Variants in STIMATE observed in about 807,000 individuals in gnomAD.
The protein encoded by STIMATE is STIM activating enhancer, also known as store-operated calcium entry regulator STIMATE.
A neutral mutation model predicts 36.7 loss-of-function variants in STIMATE; 15 were observed. The ratio of observed to expected loss-of-function variants is 0.41; its 90% CI spans 0.27 to 0.63. The LOEUF (loss-of-function observed/expected upper bound fraction) is 0.63. Among genes scored for constraint, STIMATE ranks in the 20% least tolerant of loss-of-function variants. The pLI is 0.32. For synonymous variants in STIMATE, 163 were observed against 162.3 expected (o/e 1.00, Z -0.03); for missense variants, 305 against 397.3 (o/e 0.77, Z 1.98).
intron 2 of STIMATE, among the ~76,000 whole-genome samples, chr3:52,853,240 G>C (rs1412760469): frequency 1.3e-5 from 2 of 152,240 alleles, no homozygotes; most frequent in African/African-American, 4.8e-5. Flanking sequence ...CCTGCCGCTA[G>C]AGAATGATGC....
chr3:52,882,843 G>A (rs537940530), intron 1 of STIMATE, among the ~76,000 whole-genome samples: 3 of 152,144 alleles, frequency 2.0e-5, no homozygotes, highest in Non-Finnish European at 4.4e-5. Context: ...TGGCAATTAA[G>A]AGTCGGCCAC....
At chr3:52,851,690 G>A (rs946156299) in intron 3 of STIMATE, among the ~76,000 whole-genome samples, 4 of 152,186 alleles carry the variant, frequency 2.6e-5, no homozygotes, top group African/African-American at 4.8e-5. Flanking sequence ...TCACGCCTGC[G>A]AGAACAAGGA....
intron 4 of STIMATE, chr3:52,847,189 G>C: frequency 9.6e-7 from 1 of 1,046,412 alleles, no homozygotes; most frequent in Admixed American, 5.1e-5. Context: ...GGGAATGACA[G>C]GTGTGAGCCA....
At chr3:52,894,108 G>C (rs1559501116) in intron 1 of STIMATE, among the ~76,000 whole-genome samples, 2 of 152,082 alleles carry the variant, frequency 1.3e-5, no homozygotes, top group African/African-American at 4.8e-5. Flanking sequence ...CCAAAACGAG[G>C]AATTGCTTGG....
chr3:52,856,328 G>C (rs185733671), intron 1 of STIMATE, among the ~76,000 whole-genome samples: 1 of 152,318 alleles, frequency 6.6e-6, no homozygotes, highest in Non-Finnish European at 1.5e-5. Context: ...TGCAGGAAAC[G>C]AAAAGCCAGG....
At chr3:52,860,402 G>A (rs1199648335) in intron 1 of STIMATE, among the ~76,000 whole-genome samples, 3 of 152,030 alleles carry the variant, frequency 2.0e-5, no homozygotes, top group Non-Finnish European at 4.4e-5. Context: ...GAAGGTGCAG[G>A]CCAAGTCACG....
In STIMATE at chr3:52,840,246, T is replaced by G; in HGVS notation, c.*248A>C. 6.7e-5 allele frequency: 23 copies of G among 342,548 alleles called. No homozygotes were observed. Among genetic ancestry groups the G allele is most frequent in the East Asian group, 2.1e-4 (4 of 19,014 alleles). 21.2% of individuals were successfully genotyped at this position (342,548 alleles called of 1,614,324 possible). ...AAACAAACACAGCTCCTTCCTTGCA[T>G]ATTTGGTCAGTGTTTGTAGTGCAAC... On this transcript the variant is annotated 3_prime_UTR_variant, in exon 8 of 8. Transcript: ENST00000355083.
At chr3:52,854,554 T>C (rs1701061443) in intron 2 of STIMATE, among the ~76,000 whole-genome samples, 1 of 152,256 alleles carries the variant, frequency 6.6e-6, no homozygotes, top group African/African-American at 2.4e-5. Context: ...CCTCGCCCTA[T>C]GCACCTCTTC....
chr3:52,839,579 T>C lies in STIMATE; in HGVS notation c.*915A>G, dbSNP rs1700760933. 6.6e-6 allele frequency: 1 copy of C among 152,188 alleles called. No individual in the cohort carries two copies. The highest frequency in any genetic ancestry group is 1.5e-5 in the Non-Finnish European group (1 of 68,034). The allele number at this position is 152,188 out of a possible 1,614,324, so 9.4% of individuals were successfully genotyped here. On this transcript the variant is annotated 3_prime_UTR_variant, in exon 8 of 8. Transcript: ENST00000355083. ...GGGCCCTGGGCAGAGCCTTTCCTGT[T>C]CCACACTCTGCAGCTCCTGGATCTG...
At chr3:52,890,741 A>T (rs1322925703) in intron 1 of STIMATE, among the ~76,000 whole-genome samples, 1 of 152,248 alleles carries the variant, frequency 6.6e-6, no homozygotes, top group Non-Finnish European at 1.5e-5. Context: ...GACCTTCCTT[A>T]TAGTCATATG....
intron 1 of STIMATE, among the ~76,000 whole-genome samples, chr3:52,867,389 G>C (rs78133030): frequency 0.029 from 4,481 of 152,314 alleles, 219 homozygotes; most frequent in African/African-American, 0.1. Flanking sequence ...TGGTCCTTGT[G>C]TGAGACGTTG....
chr3:52,869,182 A>G (rs1701361092), intron 1 of STIMATE, among the ~76,000 whole-genome samples: 1 of 152,140 alleles, frequency 6.6e-6, no homozygotes, highest in Non-Finnish European at 1.5e-5. Flanking sequence ...GGTGCTCAAA[A>G]AACTCCCAGA....
chr3:52,854,422 CATG>C (rs1348117474), intron 2 of STIMATE, among the ~76,000 whole-genome samples: 4 of 152,224 alleles, frequency 2.6e-5, no homozygotes, highest in Admixed American at 2.6e-4. Flanking sequence ...ATCATGCCTA[CATG>C]ATGAACCCTC....
rs1387651394 is a variant in STIMATE at position 52,866,391 on chromosome 3, G to C, written c.161-10947C>G. On this transcript the variant is annotated intron_variant, in intron 1 of 7. Coordinates refer to ENST00000355083, the MANE Select transcript of STIMATE (RefSeq NM_198563.5). ...TCTACCGCCTTGAGGGGCCTGGCAG[G>C]GCTCCCAGTCCCACCCCATCTCACC... Among the ~76,000 whole-genome samples, 4 of 152,190 alleles carry C rather than the reference G, an allele frequency of 2.6e-5. 1 individual carries two copies. The highest frequency in any genetic ancestry group is 2.6e-4 in the Admixed American group (4 of 15,282).
chr3:52,873,228 A>C (rs1701439158), intron 1 of STIMATE, among the ~76,000 whole-genome samples: 1 of 152,262 alleles, frequency 6.6e-6, no homozygotes, highest in Non-Finnish European at 1.5e-5. Flanking sequence ...ATCTGCTAAG[A>C]TAATGATGGC....
rs563622429 is a variant in STIMATE, at chr3:52,859,531, A to ATTTT, written c.161-4091_161-4088dup. On this transcript the variant is annotated intron_variant, in intron 1 of 7. Coordinates refer to ENST00000355083, the MANE Select transcript of STIMATE (RefSeq NM_198563.5). The stretch of plus-strand genomic sequence containing the variant: ...AAAAAAAAAAAAAAAAAAAAAAAAA[A>ATTTT]TTTTTTTTTTTTTTTTTTTTTTGCT... Among the ~76,000 whole-genome samples the ATTTT allele has an allele frequency of 1.2e-3, 23 of 18,826 alleles. 2 individuals carry two copies. In the East Asian group the frequency reaches 0.016, roughly 13 times the overall value. 12.4% of individuals were successfully genotyped at this position (18,826 alleles called of 152,430 possible).
At chr3:52,877,358 T>A (rs376127846) in intron 1 of STIMATE, among the ~76,000 whole-genome samples, 1 of 152,180 alleles carries the variant, frequency 6.6e-6, no homozygotes. Context: ...GTTAGGAAGG[T>A]CAGTTCGTAG....
At chr3:52,844,782 G>A (rs370202743) in intron 5 of STIMATE, 47 bp downstream of exon 5, 2 of 1,602,384 alleles carry the variant, frequency 1.2e-6, no homozygotes, top group African/African-American at 1.3e-5. Flanking sequence ...AGGAAGTGCT[G>A]CTTGCTCAGC....
rs1700712900 is a variant in STIMATE at position 52,836,898 on chromosome 3, C to T, written c.*3596G>A. On this transcript the variant is annotated 3_prime_UTR_variant, in exon 8 of 8. Coordinates refer to ENST00000355083, the MANE Select transcript of STIMATE (RefSeq NM_198563.5). ...GGCTGCTGAAGTGGGCCATGGTTTT[C>T]CTTGCATAGGTCTGACTTCTAACAA... 1.4e-5 allele frequency: 3 copies of T among 218,438 alleles called. No individual in the cohort carries two copies. In the South Asian group the frequency reaches 1.8e-4, roughly 13 times the overall value. 13.5% of individuals were successfully genotyped at this position (218,438 alleles called of 1,614,324 possible). A position where few individuals can be genotyped will look rare whatever the true frequency, so the allele number is the denominator to read the frequency against.
Sources: gnomAD v4.1 joint callset for allele counts (sites outside exome capture counted in the v4.1 genomes callset) on GRCh38, gnomAD v4.1.1 for gene constraint, MANE v1.5 for transcripts, NCBI Gene and HGNC (gene_info 2026-07-23, HGNC 2026-07-21) for gene names.